CANT1: variants seen among roughly 807,000 people sequenced by gnomAD.
The protein encoded by CANT1 is soluble calcium-activated nucleotidase 1.
In CANT1, 26 loss-of-function variants were observed where a neutral mutation model predicts 30.0. That is an observed-to-expected ratio of 0.87 (90% CI 0.64 to 1.20). CANT1 has a LOEUF of 1.20. Ranked by LOEUF, CANT1 falls within the 50% of genes most tolerant of loss-of-function variation. The pLI is 0.00. For missense variants in CANT1, 518 were observed against 563.0 expected (o/e 0.92, Z 0.81); for synonymous variants, 246 against 251.8 (o/e 0.98, Z 0.22).
rs1232800861 is a variant in CANT1 at position 78,995,339 on chromosome 17, ACACCTGCCTCCCCTCCGGCCCG to A, written c.632-140_632-119del. ...CCGCACCTGACTCCCGCCCGGCTCC[ACACCTGCCTCCCCTCCGGCCCG>A]CACCTGGCTCCCGCCCAGGGCCGGC... is the stretch of plus-strand genomic sequence containing the variant. On this transcript the variant is annotated intron_variant, in intron 3 of 4. Transcript: ENST00000392446. The surrounding 1 kb of genome is among the most constrained non-coding windows in gnomAD (Gnocchi z 5.7). 1.3e-5 allele frequency: 14 copies of A among 1,111,110 alleles called. No homozygotes were observed. The African/African-American group carries it at 2.0e-4, about 16-fold the overall frequency. The allele number at this position is 1,111,110 out of a possible 1,614,324, so 68.8% of individuals were successfully genotyped here. A position where few individuals can be genotyped will look rare whatever the true frequency, so the allele number is the denominator to read the frequency against.
rs2071318548 is a variant in CANT1 at position 79,002,946 on chromosome 17, C to T, written c.-146-4983G>A. 7.1e-6 allele frequency among the ~76,000 whole-genome samples: 1 copy of T among 141,356 alleles called. No homozygotes were observed. Among genetic ancestry groups the T allele is most frequent in the African/African-American group, 2.8e-5 (1 of 36,234 alleles). 92.7% of individuals were successfully genotyped at this position (141,356 alleles called of 152,430 possible). A position where few individuals can be genotyped will look rare whatever the true frequency, so the allele number is the denominator to read the frequency against. ...CTACACCGTGGCACACGCTCCCCAC[C>T]CGGGAGGCTCATGTCCTCTGACCAC... is the stretch of plus-strand genomic sequence containing the variant. On this transcript the variant is annotated intron_variant, in intron 1 of 4. Coordinates refer to ENST00000392446, the MANE Select transcript of CANT1 (RefSeq NM_001159773.2). This position sits in a 1 kb window ranked among gnomAD's most constrained non-coding sequence, Gnocchi z 4.0.
intron 4 of CANT1, among the ~76,000 whole-genome samples, chr17:78,994,480 G>A (rs2070957437): frequency 6.6e-6 from 1 of 152,220 alleles, no homozygotes; most frequent in African/African-American, 2.4e-5. Context: ...CAGACAACCG[G>A]GCCACAGGCT....
At position 78,997,237 on chromosome 17, in the gene CANT1, AG is replaced by A; in HGVS notation, c.385del (p.Leu129Ter). On this transcript the variant is annotated frameshift_variant, in exon 3 of 5. Coordinates refer to ENST00000392446, the MANE Select transcript of CANT1 (RefSeq NM_001159773.2). LOFTEE classifies it high-confidence loss of function. The surrounding 1 kb of genome is among the most constrained non-coding windows in gnomAD (Gnocchi z 7.5). ...AQEENTWFSYLKKGYLTLSDS... is the reference protein window; with the variant it reads ...AQEENTWFSYXKKGYLTLSDS... ...TGACAGGGTCAGGTAGCCCTTTTTC[AG>A]GTAACTGAACCAGGTGTTTTCCTCT... 1 of 1,614,086 alleles carries A rather than the reference AG, an allele frequency of 6.2e-7. No individual in the cohort carries two copies. The highest frequency in any genetic ancestry group is 8.5e-7 in the Non-Finnish European group (1 of 1,180,020).
intron 1 of CANT1, among the ~76,000 whole-genome samples, chr17:79,007,411 C>G (rs2071590930): frequency 6.6e-6 from 1 of 152,174 alleles, no homozygotes; most frequent in Non-Finnish European, 1.5e-5. Flanking sequence ...GAAAAATGAC[C>G]TCCTTGTGAT....
rs747539085 is a variant in CANT1 at position 78,993,730 on chromosome 17, G to GT, written c.1025dup (p.His342GlnfsTer109). On this transcript the variant is annotated frameshift_variant, in exon 5 of 5. Transcript: ENST00000392446. LOFTEE classifies it high-confidence loss of function. The surrounding 1 kb of genome is among the most constrained non-coding windows in gnomAD (Gnocchi z 4.5). ...GGATGAACTTGAAGGACGAGAAGCC[G>GT]TGAGTGGGGACCACCGCCCCGACGT... 2.5e-6 allele frequency: 4 copies of GT among 1,613,892 alleles called. No homozygotes were observed. Among genetic ancestry groups the GT allele is most frequent in the South Asian group, 1.1e-5 (1 of 91,094 alleles).
intron 1 of CANT1, among the ~76,000 whole-genome samples, chr17:79,005,765 C>G (rs994369497): frequency 1.3e-5 from 2 of 152,150 alleles, no homozygotes. Context: ...AAAGAGCAAA[C>G]CCCACTGACC....
intron 1 of CANT1, among the ~76,000 whole-genome samples, chr17:78,999,642 A>ATTTTTTT (rs35755919): frequency 2.3e-4 from 22 of 97,340 alleles, no homozygotes; most frequent in Admixed American, 3.9e-4. Context: ...CGCACAGCGA[A>ATTTTTTT]TTTTTTTTTT....
intron 1 of CANT1, among the ~76,000 whole-genome samples, chr17:79,004,329 A>C (rs575848720): frequency 0.011 from 7 of 626 alleles, no homozygotes; most frequent in Admixed American, 0.042. Context: ...AGGGAGAGGG[A>C]GGTTAGGGAG....
chr17:79,006,489 T>C (rs2071556522), intron 1 of CANT1, among the ~76,000 whole-genome samples: 1 of 152,082 alleles, frequency 6.6e-6, no homozygotes, highest in South Asian at 2.1e-4. Context: ...CGGGGAGCTG[T>C]TCCTCCACCA....
In CANT1 at chr17:78,996,843, G is replaced by A. The variant is rs900848661; in HGVS notation, c.631+149C>T. The A allele has an allele frequency of 6.4e-6, 7 of 1,098,046 alleles. No individual in the cohort carries two copies. The highest frequency in any genetic ancestry group is 3.1e-5 in the African/African-American group (2 of 65,364). The allele number at this position is 1,098,046 out of a possible 1,614,324, so 68.0% of individuals were successfully genotyped here. The stretch of plus-strand genomic sequence containing the variant: ...GCTCCTGGCTAAGGGTAAGGGGGCC[G>A]CAGGTCAGAGCAAGAGGGAGACGTG... On this transcript the variant is annotated intron_variant, in intron 3 of 4. Transcript: ENST00000392446. This position sits in a 1 kb window ranked among gnomAD's most constrained non-coding sequence, Gnocchi z 5.1.
chr17:79,004,178 G>A, intron 1 of CANT1, among the ~76,000 whole-genome samples: 1 of 28,436 alleles, frequency 3.5e-5, no homozygotes. Flanking sequence ...GGGGGTTAGG[G>A]AGAGGGGAGT....
intron 1 of CANT1, among the ~76,000 whole-genome samples, chr17:79,003,606 C>A (rs966938849): frequency 2.6e-5 from 4 of 152,136 alleles, no homozygotes; most frequent in Non-Finnish European, 5.9e-5. Flanking sequence ...TTTAAATGCT[C>A]GCTTTATTGT....
intron 1 of CANT1, among the ~76,000 whole-genome samples, chr17:79,003,702 G>T (rs960037062): frequency 9.9e-5 from 15 of 151,970 alleles, no homozygotes; most frequent in Non-Finnish European, 1.8e-4. Flanking sequence ...CTACAGCAAA[G>T]TCATGGGTTC....
chr17:79,007,508 A>T (rs537702982), intron 1 of CANT1, among the ~76,000 whole-genome samples: 1 of 152,358 alleles, frequency 6.6e-6, no homozygotes, highest in African/African-American at 2.4e-5. Flanking sequence ...GCATTTATAC[A>T]TCTACCTATC....
At position 78,993,703 on chromosome 17, in the gene CANT1, G is replaced by A. The variant is rs1353903717; in HGVS notation, c.1053C>T (p.Pro351=). The change falls in exon 5 of 5, where the codon CCC becomes CCT. Residue 351 remains proline, a synonymous_variant. Transcript: ENST00000392446. The surrounding 1 kb of genome is among the most constrained non-coding windows in gnomAD (Gnocchi z 4.5). ...CCACAATGATCTGGTCGTCGGTGTTGGGGATGAACTTGAAGGACGAGAAGC... is the reference window on the plus strand; with the variant it reads ...CCACAATGATCTGGTCGTCGGTGTTAGGGATGAACTTGAAGGACGAGAAGC... ...THGFSSFKFI[P]NTDDQIIVAL... is the part of the protein sequence containing the mutation. 6.2e-7 allele frequency: 1 copy of A among 1,614,222 alleles called. No homozygotes were observed. Among genetic ancestry groups the A allele is most frequent in the Non-Finnish European group, 8.5e-7 (1 of 1,180,052 alleles).
chr17:78,994,012 C>A (rs945341552), intron 4 of CANT1, 92 bp from the exon 5 acceptor site: 2 of 1,469,658 alleles, frequency 1.4e-6, no homozygotes, highest in Non-Finnish European at 1.8e-6. Context: ...AGGCAAGGGG[C>A]TGCGACCACC....
rs1468879729 is a variant in CANT1 at position 78,996,332 on chromosome 17, G to GCTCCTCTGCCAGCGTCCTTGGCAC, written c.631+636_631+659dup. Among the ~76,000 whole-genome samples, 4 of 152,172 alleles carry GCTCCTCTGCCAGCGTCCTTGGCAC rather than the reference G, an allele frequency of 2.6e-5. No individual in the cohort carries two copies. The highest frequency in any genetic ancestry group is 5.9e-5 in the Non-Finnish European group (4 of 68,022). On this transcript the variant is annotated intron_variant, in intron 3 of 4. Coordinates refer to ENST00000392446, the MANE Select transcript of CANT1 (RefSeq NM_001159773.2). This position sits in a 1 kb window ranked among gnomAD's most constrained non-coding sequence, Gnocchi z 5.1. ...CAAACGGAGCTCAGAGGAGCTGGCA[G>GCTCCTCTGCCAGCGTCCTTGGCAC]CTCCTCTGCCAGCGTCCTTGGCACC...
chr17:79,000,663 T>C (rs1399398820), intron 1 of CANT1, among the ~76,000 whole-genome samples: 5 of 152,190 alleles, frequency 3.3e-5, no homozygotes, highest in Admixed American at 1.3e-4. Context: ...GCTGGCTACA[T>C]AGACCTCCTT....
intron 1 of CANT1, among the ~76,000 whole-genome samples, chr17:79,003,377 G>A (rs1011093171): frequency 4.1e-4 from 61 of 149,938 alleles, no homozygotes; most frequent in African/African-American, 1.4e-3. Flanking sequence ...ACTGGCTGCC[G>A]GGGTGCCTGG....
Sources: allele counts gnomAD v4.1 joint callset (sites outside exome capture counted in the v4.1 genomes callset), GRCh38; gene constraint gnomAD v4.1.1; non-coding constraint Gnocchi (gnomAD v3.1); transcripts MANE v1.5; gene names NCBI Gene and HGNC (gene_info 2026-07-23, HGNC 2026-07-21).